Variants in TNFRSF8 observed in about 807,000 individuals in gnomAD.
TNFRSF8 encodes TNF receptor superfamily member 8.
Under a neutral mutation model 70.8 loss-of-function variants are expected in TNFRSF8, and 26 were observed. The observed-to-expected ratio is 0.37, with a 90% CI of 0.27 to 0.51. The LOEUF (loss-of-function observed/expected upper bound fraction) is 0.51. Ranked by LOEUF, TNFRSF8 falls within the 20% of genes least tolerant of loss-of-function variation. The probability of loss-of-function intolerance (pLI) is 0.94; values close to 1 mark genes in which losing one functional copy is unlikely to be tolerated. For missense variants in TNFRSF8, 720 were observed against 807.9 expected (o/e 0.89, Z 1.32); for synonymous variants, 356 against 339.2 (o/e 1.05, Z -0.54).
intron 3 of TNFRSF8, among the ~76,000 whole-genome samples, chr1:12,097,930 G>A (rs1201208609): frequency 6.6e-6 from 1 of 152,126 alleles, no homozygotes; most frequent in Non-Finnish European, 1.5e-5. Context: ...TAAATAATGT[G>A]TACCCTTATT....
Position 12,115,606 on chromosome 1 carries a change from T to C in TNFRSF8, c.823T>C (p.Trp275Arg). 1 of 1,614,216 alleles carries C rather than the reference T, an allele frequency of 6.2e-7. No individual in the cohort carries two copies. Among genetic ancestry groups the C allele is most frequent in the South Asian group, 1.1e-5 (1 of 91,084 alleles). ...CCTTGTGGAGAAGACGCCATGTGCA[T>C]GGAACTCCTCCCGCACCTGCGAATG... ...DDLVEKTPCA[W>R]NSSRTCECRP... Residue 275 changes from tryptophan to arginine, a missense_variant, in exon 8 of 15, where the codon TGG becomes CGG. Transcript: ENST00000263932.
chr1:12,092,750 C>T (rs372977205), intron 2 of TNFRSF8, among the ~76,000 whole-genome samples: 11 of 151,764 alleles, frequency 7.2e-5, no homozygotes, highest in South Asian at 2.1e-4. Context: ...CCTCGTGATC[C>T]GCCTGCCTCG....
rs1642294750 is a variant in TNFRSF8 at position 12,143,362 on chromosome 1, C to G, written c.*831C>G. The G allele has an allele frequency of 6.6e-6, 1 of 152,192 alleles. No individual in the cohort carries two copies. The highest frequency in any genetic ancestry group is 2.4e-5 in the African/African-American group (1 of 41,414). The allele number at this position is 152,192 out of a possible 1,614,324, so 9.4% of individuals were successfully genotyped here. A position where few individuals can be genotyped will look rare whatever the true frequency, so the allele number is the denominator to read the frequency against. On this transcript the variant is annotated 3_prime_UTR_variant, in exon 15 of 15. Coordinates refer to ENST00000263932, the MANE Select transcript of TNFRSF8 (RefSeq NM_001243.5). This position sits in a 1 kb window ranked among gnomAD's most constrained non-coding sequence, Gnocchi z 4.1. ...TCACCAACCCAGAGAACCTGCTTTA[C>G]TTTGCCCAGGGACTTCCTCCCCATG...
rs149331647 is a variant in TNFRSF8, at chr1:12,108,957, T to C, written c.422-609T>C. ...CCAGCATTCTTCAGGACTCCTTGGA[T>C]TGCATGTAGCAAAATCCCCAATTTT... On this transcript the variant is annotated intron_variant, in intron 4 of 14. Transcript: ENST00000263932. The surrounding 1 kb of genome is among the most constrained non-coding windows in gnomAD (Gnocchi z 4.0). Among the ~76,000 whole-genome samples, 501 of 152,294 alleles carry C rather than the reference T, an allele frequency of 3.3e-3. 3 individuals are homozygous for C. The highest frequency in any genetic ancestry group is 0.011 in the African/African-American group (477 of 41,548).
chr1:12,073,687 G>T (rs1245935708), intron 1 of TNFRSF8, among the ~76,000 whole-genome samples: 1 of 150,324 alleles, frequency 6.7e-6, no homozygotes, highest in Non-Finnish European at 1.5e-5. Flanking sequence ...TCTGCCTCCC[G>T]GGTTCAAACG....
rs1358821215 is a variant in TNFRSF8 at position 12,142,087 on chromosome 1, T to A, written c.1544-200T>A. Among the ~76,000 whole-genome samples, 1 of 152,168 alleles carries A rather than the reference T, an allele frequency of 6.6e-6. No individual in the cohort carries two copies. The highest frequency in any genetic ancestry group is 1.5e-5 in the Non-Finnish European group (1 of 68,030). ...AAGTACAAGTGGGCTGGTTCTTAAC[T>A]CCTCAAGGCCCAGCTCCTAGCTGTT... On this transcript the variant is annotated intron_variant, in intron 14 of 14. Coordinates refer to ENST00000263932, the MANE Select transcript of TNFRSF8 (RefSeq NM_001243.5). The surrounding 1 kb of genome is among the most constrained non-coding windows in gnomAD (Gnocchi z 5.0).
At chr1:12,101,892 T>A (rs764700674) in intron 3 of TNFRSF8, among the ~76,000 whole-genome samples, 2 of 151,956 alleles carry the variant, frequency 1.3e-5, no homozygotes, top group Non-Finnish European at 2.9e-5. Flanking sequence ...CCAGGCTGGT[T>A]TTGAACTCCT....
chr1:12,081,539 A>T (rs1042939943), intron 1 of TNFRSF8, among the ~76,000 whole-genome samples: 1 of 152,078 alleles, frequency 6.6e-6, no homozygotes, highest in African/African-American at 2.4e-5. Context: ...GGGTGTCCTC[A>T]AGGCCCGGGG....
chr1:12,101,678 C>CTTTTATTGTTTT, intron 3 of TNFRSF8, among the ~76,000 whole-genome samples: 1 of 139,972 alleles, frequency 7.1e-6, no homozygotes, highest in East Asian at 2.1e-4. Flanking sequence ...ATTATAATCT[C>CTTTTATTGTTTT]TTTTATTGTT....
intron 8 of TNFRSF8, among the ~76,000 whole-genome samples, chr1:12,120,013 A>G (rs896858982): frequency 6.6e-6 from 1 of 152,122 alleles, no homozygotes; most frequent in Non-Finnish European, 1.5e-5. Flanking sequence ...GGAAGACACC[A>G]CCCACCCACC....
intron 1 of TNFRSF8, among the ~76,000 whole-genome samples, chr1:12,064,409 G>A (rs1340247410): frequency 1.3e-5 from 2 of 152,176 alleles, no homozygotes; most frequent in East Asian, 1.9e-4. Context: ...GTAACCAGGC[G>A]TGTTTCACGG....
chr1:12,106,642 G>T (rs1021147456), intron 4 of TNFRSF8, among the ~76,000 whole-genome samples: 1 of 152,086 alleles, frequency 6.6e-6, no homozygotes, highest in African/African-American at 2.4e-5. Flanking sequence ...CGAGCTGGTG[G>T]GGGGGTGGAG....
Position 12,084,400 on chromosome 1 carries a change from G to A in TNFRSF8, c.64-64G>A, listed in dbSNP as rs900136511. On this transcript the variant is annotated intron_variant, in intron 1 of 14. Coordinates refer to ENST00000263932, the MANE Select transcript of TNFRSF8 (RefSeq NM_001243.5). Reference sequence around the variant, plus strand: ...CCGTCTCAGGCCTCCTGGGACTGGTGGGGACAGAGGGAGTATGGATATCTG... The same window carrying A: ...CCGTCTCAGGCCTCCTGGGACTGGTAGGGACAGAGGGAGTATGGATATCTG... 2.8e-6 allele frequency: 4 copies of A among 1,452,524 alleles called. No homozygotes were observed. The African/African-American group carries it at 5.6e-5, about 20-fold the overall frequency. 90.0% of individuals were successfully genotyped at this position (1,452,524 alleles called of 1,614,324 possible).
At position 12,088,185 on chromosome 1, in the gene TNFRSF8, G is replaced by A. The variant is rs979573748; in HGVS notation, c.151+3634G>A. The stretch of plus-strand genomic sequence containing the variant: ...ACCCAGGCCTGTGATGCCCTCTCCA[G>A]CATTCCTGAGAGCAGGTCCCCAGCC... On this transcript the variant is annotated intron_variant, in intron 2 of 14. Coordinates refer to ENST00000263932, the MANE Select transcript of TNFRSF8 (RefSeq NM_001243.5). The surrounding 1 kb of genome is among the most constrained non-coding windows in gnomAD (Gnocchi z 4.0). Among the ~76,000 whole-genome samples, 1 of 152,100 alleles carries A rather than the reference G, an allele frequency of 6.6e-6. No homozygotes were observed. The highest frequency in any genetic ancestry group is 2.4e-5 in the African/African-American group (1 of 41,416).
chr1:12,071,046 C>T (rs1640834998), intron 1 of TNFRSF8, among the ~76,000 whole-genome samples: 1 of 152,168 alleles, frequency 6.6e-6, no homozygotes, highest in Non-Finnish European at 1.5e-5. Flanking sequence ...CAAGCCTAGG[C>T]TCTTTTATTC....
intron 1 of TNFRSF8, among the ~76,000 whole-genome samples, chr1:12,073,534 G>A (rs865793733): frequency 7.9e-5 from 10 of 126,262 alleles, no homozygotes; most frequent in South Asian, 2.5e-4. Flanking sequence ...CTCCCTTTCC[G>A]TTCCTTTCCC....
chr1:12,122,640 C>A (rs964612312), intron 8 of TNFRSF8, among the ~76,000 whole-genome samples: 1 of 151,698 alleles, frequency 6.6e-6, no homozygotes, highest in African/African-American at 2.4e-5. Flanking sequence ...GAGGAAGACT[C>A]AATCTCAAAA....
At position 12,135,573 on chromosome 1, in the gene TNFRSF8, T is replaced by G. The variant is rs778482560; in HGVS notation, c.1310-15T>G. ...CCAGACTCCTTGGTGAAGTTGCTGCTCTTGCTTTTTGCAGATTCCAGACCC... is the reference window on the plus strand; with the variant it reads ...CCAGACTCCTTGGTGAAGTTGCTGCGCTTGCTTTTTGCAGATTCCAGACCC... On this transcript the variant is annotated splice_polypyrimidine_tract_variant and intron_variant, in intron 12 of 14. Coordinates refer to ENST00000263932, the MANE Select transcript of TNFRSF8 (RefSeq NM_001243.5). 6.2e-7 allele frequency: 1 copy of G among 1,614,066 alleles called. No homozygotes were observed. Among genetic ancestry groups the G allele is most frequent in the Non-Finnish European group, 8.5e-7 (1 of 1,180,012 alleles).
chr1:12,142,813 A>G lies in TNFRSF8; in HGVS notation c.*282A>G. 1 of 412,758 alleles carries G rather than the reference A, an allele frequency of 2.4e-6. No homozygotes were observed. The highest frequency in any genetic ancestry group is 4.4e-6 in the Non-Finnish European group (1 of 227,882). The allele number at this position is 412,758 out of a possible 1,614,324, so 25.6% of individuals were successfully genotyped here. On this transcript the variant is annotated 3_prime_UTR_variant, in exon 15 of 15. Coordinates refer to ENST00000263932, the MANE Select transcript of TNFRSF8 (RefSeq NM_001243.5). The surrounding 1 kb of genome is among the most constrained non-coding windows in gnomAD (Gnocchi z 5.0). Reference sequence around the variant, plus strand: ...AGTGATGTTGGTTGAGGCAGCAAACAGATGGCAGGATGGGCACTGCCGAGA... The same window carrying G: ...AGTGATGTTGGTTGAGGCAGCAAACGGATGGCAGGATGGGCACTGCCGAGA...
Sources: allele counts gnomAD v4.1 joint callset (sites outside exome capture counted in the v4.1 genomes callset), GRCh38; gene constraint gnomAD v4.1.1; non-coding constraint Gnocchi (gnomAD v3.1); transcripts MANE v1.5; gene names NCBI Gene and HGNC (gene_info 2026-07-23, HGNC 2026-07-21).